NAT10: variants seen among roughly 807,000 people sequenced by gnomAD.
NAT10 encodes N-acetyltransferase 10.
In NAT10, 109 loss-of-function variants were observed where a neutral mutation model predicts 132.2. The observed-to-expected ratio is 0.82, with a 90% CI of 0.71 to 0.97. The LOEUF is 0.97. NAT10 is among the 50% of genes least tolerant of loss of function. The pLI, the probability that NAT10 is intolerant of heterozygous loss-of-function variation, is 0.00. For missense variants in NAT10, 1,184 were observed against 1,263.4 expected (o/e 0.94, Z 0.95); for synonymous variants, 479 against 478.0 (o/e 1.00, Z -0.03).
chr11:34,114,785 T>C (rs781001382), intron 5 of NAT10, among the ~76,000 whole-genome samples: 1 of 152,184 alleles, frequency 6.6e-6, no homozygotes, highest in Non-Finnish European at 1.5e-5. Context: ...ACCGGCTTTA[T>C]TTTTCTTCAA....
chr11:34,111,911 C>T (rs758967405), intron 3 of NAT10, 141 bp from the exon 4 acceptor site: 3 of 904,014 alleles, frequency 3.3e-6, no homozygotes, highest in South Asian at 1.7e-5. Flanking sequence ...CTGCCCTCCA[C>T]CTGAAGTGGG....
chr11:34,131,597 T>C (rs1852106431), intron 14 of NAT10, 66 bp downstream of exon 14: 1 of 1,497,230 alleles, frequency 6.7e-7, no homozygotes, highest in South Asian at 1.3e-5. Flanking sequence ...TTCAAAGGAC[T>C]TGAGTCCTTT....
In NAT10 at chr11:34,146,263, G is replaced by C. The variant is rs1175631113; in HGVS notation, c.*71G>C. 1.6e-6 allele frequency: 2 copies of C among 1,221,516 alleles called. No homozygotes were observed. Among genetic ancestry groups the C allele is most frequent in the African/African-American group, 1.5e-5 (1 of 65,198 alleles). The allele number at this position is 1,221,516 out of a possible 1,614,324, so 75.7% of individuals were successfully genotyped here. ...TCACTAACTGAACCCTCTCTGGCTG[G>C]ACTGTTAAAAGCAACGAGAGGCCCC... On this transcript the variant is annotated 3_prime_UTR_variant, in exon 29 of 29. Coordinates refer to ENST00000257829, the MANE Select transcript of NAT10 (RefSeq NM_024662.3).
At position 34,112,181 on chromosome 11, in the gene NAT10, CCA is replaced by C; in HGVS notation, c.333_334del (p.His111GlnfsTer16). The stretch of plus-strand genomic sequence containing the variant: ...TTCGCTACTGCTACTACAACGAGAC[CCA>C]CAAGATCCTGGGCAATACCTTCGGC... ...NIRYCYYNET[H>X]KILGNTFGMC... On this transcript the variant is annotated frameshift_variant, in exon 4 of 29. Transcript: ENST00000257829. LOFTEE classifies it high-confidence loss of function. The C allele has an allele frequency of 1.9e-6, 3 of 1,614,226 alleles. No homozygotes were observed. The highest frequency in any genetic ancestry group is 2.5e-6 in the Non-Finnish European group (3 of 1,180,046).
At chr11:34,107,678 A>T (rs1851619007) in intron 1 of NAT10, among the ~76,000 whole-genome samples, 1 of 152,228 alleles carries the variant, frequency 6.6e-6, no homozygotes, top group Non-Finnish European at 1.5e-5. Context: ...CTGTAATCCC[A>T]GCCCTTTGGG....
chr11:34,120,552 C>T (rs1851875568), intron 8 of NAT10, among the ~76,000 whole-genome samples: 1 of 152,184 alleles, frequency 6.6e-6, no homozygotes, highest in African/African-American at 2.4e-5. Flanking sequence ...AGCACAGATC[C>T]AGCTGAGGAG....
At chr11:34,112,703 T>G (rs1333500948) in intron 4 of NAT10, among the ~76,000 whole-genome samples, 2 of 152,212 alleles carry the variant, frequency 1.3e-5, no homozygotes, top group Non-Finnish European at 2.9e-5. Context: ...AACCCCTCAC[T>G]TTACCTCTCA....
At chr11:34,115,423 CT>C (rs1337300734) in intron 5 of NAT10, among the ~76,000 whole-genome samples, 1 of 152,160 alleles carries the variant, frequency 6.6e-6, no homozygotes, top group East Asian at 1.9e-4. Context: ...TCCGTGCAGT[CT>C]ATATTTCATA....
chr11:34,130,980 C>G (rs767543978), intron 13 of NAT10, 43 bp downstream of exon 13: 2 of 1,607,338 alleles, frequency 1.2e-6, no homozygotes, highest in Admixed American at 3.4e-5. Flanking sequence ...CACAGCAAGG[C>G]CCTTCAGTCT....
intron 8 of NAT10, among the ~76,000 whole-genome samples, chr11:34,121,875 A>AC (rs1323065631): frequency 4.7e-4 from 67 of 143,926 alleles, no homozygotes; most frequent in African/African-American, 1.6e-3. Flanking sequence ...AAAAAAAAAA[A>AC]AAAAAAAGGT....
At chr11:34,146,045 G>T in intron 28 of NAT10, 39 bp from the exon 29 acceptor site, 1 of 1,405,172 alleles carries the variant, frequency 7.1e-7, no homozygotes, top group Non-Finnish European at 9.9e-7. Context: ...GTTCAGATCT[G>T]TACATATTTC....
intron 26 of NAT10, 30 bp from the exon 27 acceptor site, chr11:34,142,245 C>T (rs201352927): frequency 6.2e-7 from 1 of 1,606,708 alleles, no homozygotes; most frequent in African/African-American, 1.3e-5. Context: ...TTGACTCTGA[C>T]TTAGTCTCTT....
At chr11:34,136,378 G>T (rs1006862069) in intron 19 of NAT10, among the ~76,000 whole-genome samples, 1 of 152,126 alleles carries the variant, frequency 6.6e-6, no homozygotes, top group Non-Finnish European at 1.5e-5. Context: ...CACCACTCCC[G>T]GCCTCTGTCA....
In NAT10 at chr11:34,146,278, C is replaced by T. The variant is rs1983642; in HGVS notation, c.*86C>T. On this transcript the variant is annotated 3_prime_UTR_variant, in exon 29 of 29. Transcript: ENST00000257829. ...TCTCTGGCTGGACTGTTAAAAGCAA[C>T]GAGAGGCCCCGGCACACCTGGAAGC... is the stretch of plus-strand genomic sequence containing the variant. The T allele has an allele frequency of 2.6e-5, 26 of 984,578 alleles. No homozygotes were observed. The highest frequency in any genetic ancestry group is 1.3e-4 in the African/African-American group (8 of 60,398). 61.0% of individuals were successfully genotyped at this position (984,578 alleles called of 1,614,324 possible).
At chr11:34,123,926 T>C (rs1418298471) in intron 10 of NAT10, 71 bp downstream of exon 10, 1 of 1,250,070 alleles carries the variant, frequency 8.0e-7, no homozygotes. Flanking sequence ...TCCCAGCACT[T>C]TGGGAGGCCG....
chr11:34,141,400 A>C (rs897050035), intron 25 of NAT10, among the ~76,000 whole-genome samples, 192 bp downstream of exon 25: 1 of 138,566 alleles, frequency 7.2e-6, no homozygotes, highest in East Asian at 2.2e-4. Context: ...GCTGCATCTC[A>C]TCACACATCA....
At chr11:34,138,023 C>T (rs1032234867) in intron 21 of NAT10, among the ~76,000 whole-genome samples, 1 of 152,026 alleles carries the variant, frequency 6.6e-6, no homozygotes, top group Non-Finnish European at 1.5e-5. Flanking sequence ...TTTCAGGAAG[C>T]GAAAGGGAGC....
At position 34,136,717 on chromosome 11, in the gene NAT10, C is replaced by G. The variant is rs750053373; in HGVS notation, c.2104C>G (p.Pro702Ala). ...PPLLLKLNER[P>A]AERLDYLGVS... is the part of the protein sequence containing the mutation. Reference sequence around the variant, plus strand: ...TTTACTCCTCAAATTGAATGAGAGGCCTGCCGAACGCCTGGATTACCTGGG... The same window carrying G: ...TTTACTCCTCAAATTGAATGAGAGGGCTGCCGAACGCCTGGATTACCTGGG... Residue 702 changes from proline to alanine, a missense_variant, in exon 20 of 29, where the codon CCT becomes GCT. Pro to Ala is a conservative substitution (Grantham distance 27, BLOSUM62 -1). Coordinates refer to ENST00000257829, the MANE Select transcript of NAT10 (RefSeq NM_024662.3). The G allele has an allele frequency of 6.8e-6, 11 of 1,614,166 alleles. No individual in the cohort carries two copies. The highest frequency in any genetic ancestry group is 1.1e-5 in the South Asian group (1 of 91,078).
chr11:34,131,441 T>C lies in NAT10; in HGVS notation c.1430T>C (p.Val477Ala). 6.2e-7 allele frequency: 1 copy of C among 1,614,154 alleles called. No individual in the cohort carries two copies. The highest frequency in any genetic ancestry group is 8.5e-7 in the Non-Finnish European group (1 of 1,180,018). ...ATCCGATACGCCCCTGGGGATGCAG[T>C]GGAGAAGTGGCTGAATGACTTGCTG... ...ESIRYAPGDAVEKWLNDLLCL... is the reference protein window; with the variant it reads ...ESIRYAPGDAAEKWLNDLLCL... Residue 477 changes from valine to alanine, a missense_variant, in exon 14 of 29, where the codon GTG (valine) becomes GCG (alanine). By Grantham distance (64) the Val-to-Ala change is moderately conservative (BLOSUM62 0). Transcript: ENST00000257829.
Sources: allele counts gnomAD v4.1 joint callset (sites outside exome capture counted in the v4.1 genomes callset), GRCh38; gene constraint gnomAD v4.1.1; transcripts MANE v1.5; gene names NCBI Gene and HGNC (gene_info 2026-07-23, HGNC 2026-07-21).